Variants in CCDC93 observed in about 807,000 individuals in gnomAD.
The protein encoded by CCDC93 is CCC complex scaffolding subunit CCDC93, also known as coiled-coil domain-containing protein 93.
Under a neutral mutation model 108.2 loss-of-function variants are expected in CCDC93, and 61 were observed. The observed-to-expected ratio is 0.56, with a 90% CI of 0.46 to 0.70. CCDC93 has a LOEUF of 0.70. CCDC93 is among the 30% of genes least tolerant of loss of function. CCDC93 has a pLI of 0.00. For synonymous variants in CCDC93, 276 were observed against 260.4 expected (o/e 1.06, Z -0.58); for missense variants, 685 against 764.2 (o/e 0.90, Z 1.22).
chr2:117,957,175 G>A (rs1327566639), intron 12 of CCDC93, among the ~76,000 whole-genome samples: 1 of 152,142 alleles, frequency 6.6e-6, no homozygotes, highest in East Asian at 1.9e-4. Flanking sequence ...ACAGGCGTGA[G>A]CCACCACACC....
chr2:117,953,041 T>C (rs1041807450), intron 12 of CCDC93, among the ~76,000 whole-genome samples: 17 of 152,258 alleles, frequency 1.1e-4, no homozygotes, highest in African/African-American at 4.1e-4. Flanking sequence ...TAAAACAGTA[T>C]ATCCTTGTGT....
At chr2:117,990,855 T>C (rs1680457179) in intron 6 of CCDC93, among the ~76,000 whole-genome samples, 1 of 152,126 alleles carries the variant, frequency 6.6e-6, no homozygotes, top group Non-Finnish European at 1.5e-5. Flanking sequence ...TCCATACTGA[T>C]ATTCACAACT....
Position 117,958,377 on chromosome 2 carries a change from T to G in CCDC93, c.993A>C (p.Lys331Asn). Residue 331 changes from lysine to asparagine, a missense_variant, in exon 12 of 24, where the codon AAA becomes AAC. By Grantham distance (94) the Lys-to-Asn change is moderately conservative. Coordinates refer to ENST00000376300, the MANE Select transcript of CCDC93 (RefSeq NM_019044.5). ...SLNKQIAQKTKHLEELRASHT... is the reference protein window; with the variant it reads ...SLNKQIAQKTNHLEELRASHT... Reference sequence around the variant, plus strand: ...AGAAAACACTGACCTCTTCAAGATGTTTGGTCTTTTGCGCAATCTGTTTGT... The same window carrying G: ...AGAAAACACTGACCTCTTCAAGATGGTTGGTCTTTTGCGCAATCTGTTTGT... 1.9e-6 allele frequency: 3 copies of G among 1,597,856 alleles called. No homozygotes were observed. The highest frequency in any genetic ancestry group is 1.1e-5 in the South Asian group (1 of 90,786).
intron 12 of CCDC93, among the ~76,000 whole-genome samples, chr2:117,956,631 T>C (rs1679225325): frequency 6.6e-6 from 1 of 152,182 alleles, no homozygotes. Flanking sequence ...GTAGGGATGA[T>C]ACTGTCTGAG....
At chr2:118,013,086 A>C (rs56202299) in intron 1 of CCDC93, 5,131 of 152,356 alleles carry the variant, frequency 0.034, 116 homozygotes, top group Middle Eastern at 0.074. Flanking sequence ...TTTGAGTAAA[A>C]TCAACTGAAA....
At chr2:117,984,949 T>C (rs1558796042) in intron 7 of CCDC93, among the ~76,000 whole-genome samples, 1 of 152,158 alleles carries the variant, frequency 6.6e-6, no homozygotes, top group South Asian at 2.1e-4. Context: ...TCATCATTAA[T>C]AACTGCTAAC....
chr2:118,013,979 C>T lies in CCDC93; in HGVS notation c.17G>A (p.Gly6Glu). 1 of 1,595,490 alleles carries T rather than the reference C, an allele frequency of 6.3e-7. No individual in the cohort carries two copies. Among genetic ancestry groups the T allele is most frequent in the South Asian group, 1.1e-5 (1 of 87,474 alleles). MGLPR[G>E]PEGQGLPEVE... ...CTCCGGGAGACCCTGGCCCTCCGGC[C>T]CCCTGGGCAACCCCATGATCCGACC... Residue 6 changes from glycine to glutamate, a missense_variant, in exon 1 of 24, where the codon GGG becomes GAG. Transcript: ENST00000376300.
At chr2:117,974,493 A>C (rs1679868333) in intron 10 of CCDC93, among the ~76,000 whole-genome samples, 1 of 152,054 alleles carries the variant, frequency 6.6e-6, no homozygotes, top group Non-Finnish European at 1.5e-5. Flanking sequence ...ACCAACTATA[A>C]TCTCAAAATC....
Position 117,927,797 on chromosome 2 carries a change from G to A in CCDC93, c.1842+3240C>T, listed in dbSNP as rs1008550068. Among the ~76,000 whole-genome samples, 6 of 152,094 alleles carry A rather than the reference G, an allele frequency of 3.9e-5. 1 individual carries two copies. Among genetic ancestry groups the A allele is most frequent in the Admixed American group, 3.3e-4 (5 of 15,248 alleles). On this transcript the variant is annotated intron_variant, in intron 23 of 23. Coordinates refer to ENST00000376300, the MANE Select transcript of CCDC93 (RefSeq NM_019044.5). ...ATGGAACCAAAAAACAGCCCCCAAT[G>A]CCAAGTCAATCCTAAGCCAAAAGAA...
At chr2:117,991,298 G>A (rs1480575363) in intron 6 of CCDC93, among the ~76,000 whole-genome samples, 1 of 152,166 alleles carries the variant, frequency 6.6e-6, no homozygotes, top group Non-Finnish European at 1.5e-5. Flanking sequence ...GAAATGAAGA[G>A]GTGGTAGGAG....
intron 23 of CCDC93, chr2:117,921,790 T>G (rs1677879878): frequency 6.6e-6 from 1 of 151,912 alleles, no homozygotes; most frequent in Admixed American, 6.6e-5. Flanking sequence ...GATTCAGATG[T>G]GTCCTTCACT....
chr2:117,928,126 A>T (rs1356657595), intron 23 of CCDC93, among the ~76,000 whole-genome samples: 1 of 152,230 alleles, frequency 6.6e-6, no homozygotes, highest in Non-Finnish European at 1.5e-5. Context: ...CGGATTAAAG[A>T]CTTAAATGTG....
chr2:117,971,453 G>A (rs1382094159), intron 11 of CCDC93, among the ~76,000 whole-genome samples: 1 of 152,058 alleles, frequency 6.6e-6, no homozygotes, highest in East Asian at 1.9e-4. Flanking sequence ...AAATATTTAG[G>A]ATGTGATCTG....
At chr2:118,010,755 T>C (rs887682273) in intron 1 of CCDC93, among the ~76,000 whole-genome samples, 2 of 152,152 alleles carry the variant, frequency 1.3e-5, no homozygotes, top group African/African-American at 4.8e-5. Context: ...GCCACCAAAC[T>C]ATCTTTTCAG....
At chr2:117,932,465 A>G (rs1044075625) in intron 22 of CCDC93, among the ~76,000 whole-genome samples, 1 of 152,188 alleles carries the variant, frequency 6.6e-6, no homozygotes, top group Non-Finnish European at 1.5e-5. Flanking sequence ...TGTTCAGAGA[A>G]AGACCCACCA....
intron 11 of CCDC93, among the ~76,000 whole-genome samples, chr2:117,963,344 A>C (rs947318462): frequency 1.3e-5 from 2 of 152,216 alleles, no homozygotes; most frequent in Admixed American, 1.3e-4. Context: ...CAGTTCAACT[A>C]AGTGTCTACA....
At chr2:117,964,932 G>A (rs992036171) in intron 11 of CCDC93, among the ~76,000 whole-genome samples, 3 of 152,128 alleles carry the variant, frequency 2.0e-5, no homozygotes, top group African/African-American at 7.2e-5. Flanking sequence ...TATCAGGTGA[G>A]TCTCCACAAA....
intron 12 of CCDC93, among the ~76,000 whole-genome samples, chr2:117,958,053 C>T (rs1336647151): frequency 6.6e-6 from 1 of 152,152 alleles, no homozygotes; most frequent in Non-Finnish European, 1.5e-5. Context: ...GCTATTTATT[C>T]TTGCCCTGTG....
At chr2:117,951,124 A>G (rs758212872) in intron 13 of CCDC93, 10 of 983,048 alleles carry the variant, frequency 1.0e-5, no homozygotes, top group Non-Finnish European at 1.2e-5. Context: ...TAGAAAGCTG[A>G]TATCAAGATA....
Sources: allele counts gnomAD v4.1 joint callset (sites outside exome capture counted in the v4.1 genomes callset), GRCh38; gene constraint gnomAD v4.1.1; transcripts MANE v1.5; gene names NCBI Gene and HGNC (gene_info 2026-07-23, HGNC 2026-07-21).